GALNT5: variants seen among roughly 807,000 people sequenced by gnomAD.
GALNT5 encodes the protein polypeptide N-acetylgalactosaminyltransferase 5, also known as UDP-GalNAc:polypeptide N-acetylgalactosaminyltransferase 5.
Under a neutral mutation model 85.4 loss-of-function variants are expected in GALNT5, and 72 were observed. The observed-to-expected ratio is 0.84, with a 90% CI of 0.70 to 1.03. The LOEUF (loss-of-function observed/expected upper bound fraction) is 1.03. Among genes scored for constraint, GALNT5 ranks in the 50% least tolerant of loss-of-function variants. The pLI is 0.00. For synonymous variants in GALNT5, 404 were observed against 397.0 expected (o/e 1.02, Z -0.21); for missense variants, 1,137 against 1,135.5 (o/e 1.00, Z -0.02).
chr2:157,276,784 C>T (rs11888536), intron 1 of GALNT5, among the ~76,000 whole-genome samples: 26,263 of 150,644 alleles, frequency 0.17, 5,439 homozygotes, highest in African/African-American at 0.49. Context: ...CCTGGATTCA[C>T]TGATTTTTTG....
chr2:157,285,286 T>C (rs1682945675), intron 2 of GALNT5, among the ~76,000 whole-genome samples: 1 of 152,158 alleles, frequency 6.6e-6, no homozygotes, highest in Non-Finnish European at 1.5e-5. Context: ...CTTGGAAGCA[T>C]AAACAGGAAT....
chr2:157,286,142 G>A lies in GALNT5; in HGVS notation c.1741+8G>A, dbSNP rs535446565. 2.5e-6 allele frequency: 4 copies of A among 1,602,330 alleles called. No individual in the cohort carries two copies. The East Asian group carries it at 8.9e-5, about 36-fold the overall frequency. The stretch of plus-strand genomic sequence containing the variant: ...GAGCACAGAATGCAACAGGTAAGAA[G>A]TTACTCATTTTTTTGTTTGTTACAT... On this transcript the variant is annotated splice_region_variant and intron_variant, in intron 3 of 9. Transcript: ENST00000259056.
At chr2:157,286,429 C>T (rs1682972690) in intron 3 of GALNT5, among the ~76,000 whole-genome samples, 1 of 152,198 alleles carries the variant, frequency 6.6e-6, no homozygotes, top group Non-Finnish European at 1.5e-5. Flanking sequence ...TAAATAAGCA[C>T]AGCTTTCATA....
chr2:157,294,439 C>A (rs931511717), intron 3 of GALNT5, among the ~76,000 whole-genome samples: 2 of 152,158 alleles, frequency 1.3e-5, no homozygotes, highest in Admixed American at 6.5e-5. Context: ...AATAGTGAGT[C>A]AGAGTCGAGC....
intron 1 of GALNT5, among the ~76,000 whole-genome samples, chr2:157,278,056 G>T (rs900384957): frequency 5.9e-5 from 9 of 152,226 alleles, no homozygotes; most frequent in Non-Finnish European, 1.2e-4. Context: ...GTCTATAAAG[G>T]ATTTTATTTT....
Position 157,286,041 on chromosome 2 carries a change from T to C in GALNT5, c.1648T>C (p.Tyr550His). ...CTATCTAAAAGATAATTTGGATAAA[T>C]ACATGTCCCAGTTTCCAAAAGTTCG... Reference protein sequence around the residue: ...KDYLKDNLDKYMSQFPKVRIL... With the variant: ...KDYLKDNLDKHMSQFPKVRIL... The change falls in exon 3 of 10, where the codon TAC becomes CAC. Residue 550 changes from tyrosine to histidine, a missense_variant. Tyr to His is a moderately conservative substitution (Grantham distance 83, BLOSUM62 2). Transcript: ENST00000259056. 1.2e-6 allele frequency: 2 copies of C among 1,601,260 alleles called. No homozygotes were observed. The highest frequency in any genetic ancestry group is 4.5e-5 in the East Asian group (2 of 44,758).
At chr2:157,260,154 A>G (rs903439940) in intron 1 of GALNT5, among the ~76,000 whole-genome samples, 3 of 152,242 alleles carry the variant, frequency 2.0e-5, no homozygotes, top group Admixed American at 2.0e-4. Flanking sequence ...CAATCAGTCC[A>G]TGACCAGCAA....
intron 2 of GALNT5, among the ~76,000 whole-genome samples, chr2:157,284,872 G>A (rs974784873): frequency 1.3e-5 from 2 of 152,214 alleles, no homozygotes; most frequent in Non-Finnish European, 2.9e-5. Context: ...TCTTCCTTGA[G>A]AGCAAGGCAT....
At chr2:157,308,490 T>C in intron 8 of GALNT5, 77 bp from the exon 9 acceptor site, 1 of 1,073,826 alleles carries the variant, frequency 9.3e-7, no homozygotes, top group South Asian at 1.6e-5. Context: ...TCTTAACTGT[T>C]GCTAACAAAA....
intron 4 of GALNT5, among the ~76,000 whole-genome samples, chr2:157,296,116 G>A (rs534408458): frequency 6.7e-6 from 1 of 149,072 alleles, no homozygotes; most frequent in Non-Finnish European, 1.5e-5. Flanking sequence ...TCTGTGGGAA[G>A]CGTATATGTG....
chr2:157,295,919 C>A, intron 4 of GALNT5, 121 bp downstream of exon 4: 1 of 691,290 alleles, frequency 1.4e-6, no homozygotes, highest in Non-Finnish European at 2.4e-6. Context: ...TACAGTTTAT[C>A]TACTTAAATA....
At chr2:157,276,669 T>C (rs909169637) in intron 1 of GALNT5, among the ~76,000 whole-genome samples, 1 of 152,212 alleles carries the variant, frequency 6.6e-6, no homozygotes, top group African/African-American at 2.4e-5. Flanking sequence ...TCAGTGATGA[T>C]ATCCCCTTTA....
rs2672869 is a variant in GALNT5 at position 157,317,198 on chromosome 2, A to T, written c.*5850A>T. 0.32 allele frequency among the ~76,000 whole-genome samples: 42,145 copies of T among 132,502 alleles called. 6,658 individuals are homozygous for T. The highest frequency in any genetic ancestry group is 0.39 in the Admixed American group (4,930 of 12,650). The allele number at this position is 132,502 out of a possible 152,430, so 86.9% of individuals were successfully genotyped here. ...TGTATATATATATATATATATATAT[A>T]TTTTTTTTTTTGATGCTTTGATCTG... is the stretch of plus-strand genomic sequence containing the variant. On this transcript the variant is annotated 3_prime_UTR_variant, in exon 10 of 10. Coordinates refer to ENST00000259056, the MANE Select transcript of GALNT5 (RefSeq NM_014568.3).
intron 3 of GALNT5, among the ~76,000 whole-genome samples, 166 bp downstream of exon 3, chr2:157,286,300 A>G (rs1307072608): frequency 6.6e-6 from 1 of 151,096 alleles, no homozygotes; most frequent in Non-Finnish European, 1.5e-5. Context: ...TCATAAACAC[A>G]CATAGACACC....
In GALNT5 at chr2:157,258,176, G is replaced by C. The variant is rs1320321904; in HGVS notation, c.94G>C (p.Ala32Pro). The C allele has an allele frequency of 6.2e-7, 1 of 1,612,968 alleles. No individual in the cohort carries two copies. Among genetic ancestry groups the C allele is most frequent in the South Asian group, 1.1e-5 (1 of 91,024 alleles). ...CATCTGGCTCCTCTTTGACATGGCAGCTCTCCGCCTCTCATTCAGTGAGAT... is the reference window on the plus strand; with the variant it reads ...CATCTGGCTCCTCTTTGACATGGCACCTCTCCGCCTCTCATTCAGTGAGAT... ...SVIWLLFDMA[A>P]LRLSFSEINT... The change falls in exon 1 of 10, where the codon GCT (alanine) becomes CCT (proline). Residue 32 changes from alanine (A) to proline (P), a missense_variant. Ala to Pro is a conservative substitution (Grantham distance 27). Coordinates refer to ENST00000259056, the MANE Select transcript of GALNT5 (RefSeq NM_014568.3).
intron 5 of GALNT5, among the ~76,000 whole-genome samples, chr2:157,297,320 G>T (rs918137659): frequency 5.3e-5 from 8 of 152,212 alleles, no homozygotes; most frequent in Non-Finnish European, 1.0e-4. Flanking sequence ...ACCAAGCAAA[G>T]AAGTGAAGGT....
chr2:157,299,624 C>T lies in GALNT5; in HGVS notation c.2074C>T (p.Leu692Phe). 1 of 1,612,314 alleles carries T rather than the reference C, an allele frequency of 6.2e-7. No homozygotes were observed. The highest frequency in any genetic ancestry group is 8.5e-7 in the Non-Finnish European group (1 of 1,178,526). ...FFELGTYDPG[L>F]DVWGGENMEL... The stretch of plus-strand genomic sequence containing the variant: ...TGAACTTGGAACATACGACCCTGGC[C>T]TTGATGTTTGGGGTGGGGAAAATAT... Residue 692 changes from leucine (L) to phenylalanine (F), a missense_variant, in exon 6 of 10, where the codon CTT (leucine) becomes TTT (phenylalanine). Coordinates refer to ENST00000259056, the MANE Select transcript of GALNT5 (RefSeq NM_014568.3).
In GALNT5 at chr2:157,295,912, A is replaced by G. The variant is rs1011057399; in HGVS notation, c.1877+114A>G. On this transcript the variant is annotated intron_variant, in intron 4 of 9. Transcript: ENST00000259056. ...TTTTTTCAAAATCCAAGACATATAC[A>G]GTTTATCTACTTAAATAAATGGAAA... 2.1e-5 allele frequency: 15 copies of G among 724,742 alleles called. No individual in the cohort carries two copies. In the African/African-American group the frequency reaches 2.7e-4, roughly 13 times the overall value. The allele number at this position is 724,742 out of a possible 1,614,324, so 44.9% of individuals were successfully genotyped here.
chr2:157,268,790 C>T (rs1221456720), intron 1 of GALNT5, among the ~76,000 whole-genome samples: 1 of 139,664 alleles, frequency 7.2e-6, no homozygotes, highest in East Asian at 2.0e-4. Flanking sequence ...CTAGATTCCC[C>T]CCCAAGACAA....
Sources: allele counts gnomAD v4.1 joint callset (sites outside exome capture counted in the v4.1 genomes callset), GRCh38; gene constraint gnomAD v4.1.1; transcripts MANE v1.5; gene names NCBI Gene and HGNC (gene_info 2026-07-23, HGNC 2026-07-21).